The following STAT4 variants were observed in gnomAD, a reference collection of about 807,000 sequenced individuals.
The protein encoded by STAT4 is signal transducer and activator of transcription 4.
A neutral mutation model predicts 110.5 loss-of-function variants in STAT4; 42 were observed. That is an observed-to-expected ratio of 0.38 (90% CI 0.30 to 0.49). The LOEUF (loss-of-function observed/expected upper bound fraction) is 0.49. Ranked by LOEUF, STAT4 falls within the 20% of genes least tolerant of loss-of-function variation. STAT4 has a pLI of 0.95. For missense variants in STAT4, 632 were observed against 887.9 expected (o/e 0.71, Z 3.66); for synonymous variants, 284 against 302.2 (o/e 0.94, Z 0.63).
intron 14 of STAT4, among the ~76,000 whole-genome samples, chr2:191,047,866 A>AT (rs1386345514): frequency 1.3e-5 from 2 of 152,088 alleles, no homozygotes; most frequent in Non-Finnish European, 2.9e-5. Context: ...GGGTTTTATC[A>AT]TATTGGCCAG....
chr2:191,061,606 C>A lies in STAT4; in HGVS notation c.1034+123G>T. ...GTATTTCCCCAAGCTCAGAGCTGGG[C>A]ACACAGCAGATGGTTCAATAAAGAA... On this transcript the variant is annotated intron_variant, in intron 10 of 23. Transcript: ENST00000392320. This position sits in a 1 kb window ranked among gnomAD's most constrained non-coding sequence, Gnocchi z 6.2. The A allele has an allele frequency of 1.1e-6, 1 of 904,774 alleles. No homozygotes were observed. The highest frequency in any genetic ancestry group is 1.8e-6 in the Non-Finnish European group (1 of 548,622). The allele number at this position is 904,774 out of a possible 1,614,324, so 56.0% of individuals were successfully genotyped here. A position where few individuals can be genotyped will look rare whatever the true frequency, so the allele number is the denominator to read the frequency against.
At position 191,067,105 on chromosome 2, in the gene STAT4, G is replaced by A. The variant is rs529270943; in HGVS notation, c.545-590C>T. Among the ~76,000 whole-genome samples the A allele has an allele frequency of 8.0e-5, 12 of 149,182 alleles. No homozygotes were observed. The South Asian group carries it at 2.5e-3, about 31-fold the overall frequency. On this transcript the variant is annotated intron_variant, in intron 6 of 23. Coordinates refer to ENST00000392320, the MANE Select transcript of STAT4 (RefSeq NM_003151.4). ...CGCTCGCCTCATCGTAAAACTAGCA[G>A]TGGGCCAGAGTTGTAACTTAGAAAA...
Position 191,071,527 on chromosome 2 carries a change from G to A in STAT4, c.465+1571C>T, listed in dbSNP as rs191961717. On this transcript the variant is annotated intron_variant, in intron 5 of 23. Transcript: ENST00000392320. ...CTTGCAGAATCTTCTAATGAAAAGT[G>A]TATTAAACCAATGCCAGATCTCTGA... Among the ~76,000 whole-genome samples the A allele has an allele frequency of 9.8e-5, 15 of 152,292 alleles. No homozygotes were observed. In the East Asian group the frequency reaches 2.9e-3, roughly 29 times the overall value.
In STAT4 at chr2:191,112,405, T is replaced by C. The variant is rs116078427; in HGVS notation, c.273+34208A>G. 0.01 allele frequency among the ~76,000 whole-genome samples: 1,593 copies of C among 152,240 alleles called. 36 individuals carry two copies. Among genetic ancestry groups the C allele is most frequent in the African/African-American group, 0.036 (1,504 of 41,532 alleles). On this transcript the variant is annotated intron_variant, in intron 3 of 23. Coordinates refer to ENST00000392320, the MANE Select transcript of STAT4 (RefSeq NM_003151.4). The surrounding 1 kb of genome is among the most constrained non-coding windows in gnomAD (Gnocchi z 4.3). Reference sequence around the variant, plus strand: ...ACCTGCCAGGACTGTTGTGAGGATATAATGAGGTAATGAAAGTAGCACTGT... The same window carrying C: ...ACCTGCCAGGACTGTTGTGAGGATACAATGAGGTAATGAAAGTAGCACTGT...
intron 3 of STAT4, among the ~76,000 whole-genome samples, chr2:191,097,993 C>G (rs1469367089): frequency 1.3e-5 from 2 of 152,022 alleles, no homozygotes; most frequent in African/African-American, 2.4e-5. Flanking sequence ...ATTTATGCAG[C>G]CAACAGACAC....
chr2:191,131,711 C>CT, intron 3 of STAT4: 1 of 1,204,300 alleles, frequency 8.3e-7, no homozygotes, highest in Non-Finnish European at 1.1e-6. Flanking sequence ...TTGCAAAAGC[C>CT]AGAATTCTCC....
chr2:191,055,910 G>A (rs1295566960), intron 13 of STAT4, among the ~76,000 whole-genome samples: 1 of 152,064 alleles, frequency 6.6e-6, no homozygotes, highest in African/African-American at 2.4e-5. Context: ...TACTAAACAT[G>A]GCCCCTTGTT....
Position 191,059,592 on chromosome 2 carries a change from C to G in STAT4, c.1035-823G>C, listed in dbSNP as rs1696794759. ...CTTAGGTACTAGAGAACTGATGTAG[C>G]AAAGACTGCAGAAGGGAGAAACGTG... is the stretch of plus-strand genomic sequence containing the variant. On this transcript the variant is annotated intron_variant, in intron 10 of 23. Coordinates refer to ENST00000392320, the MANE Select transcript of STAT4 (RefSeq NM_003151.4). The surrounding 1 kb of genome is among the most constrained non-coding windows in gnomAD (Gnocchi z 4.7). 6.6e-6 allele frequency among the ~76,000 whole-genome samples: 1 copy of G among 152,188 alleles called. No homozygotes were observed. The highest frequency in any genetic ancestry group is 1.5e-5 in the Non-Finnish European group (1 of 68,042).
intron 14 of STAT4, among the ~76,000 whole-genome samples, chr2:191,047,524 T>C (rs1430491129): frequency 6.6e-6 from 1 of 152,210 alleles, no homozygotes; most frequent in African/African-American, 2.4e-5. Context: ...TTGTGTCTGC[T>C]GGAGAACTGG....
intron 3 of STAT4, among the ~76,000 whole-genome samples, chr2:191,123,444 C>A (rs377518626): frequency 2.6e-4 from 40 of 152,234 alleles, no homozygotes; most frequent in African/African-American, 8.7e-4. Flanking sequence ...TTTCCTCTAC[C>A]CTTCCTTCTT....
rs1175345674 is a variant in STAT4 at position 191,083,072 on chromosome 2, G to A, written c.274-6747C>T. Among the ~76,000 whole-genome samples the A allele has an allele frequency of 2.6e-5, 4 of 152,286 alleles. No individual in the cohort carries two copies. The highest frequency in any genetic ancestry group is 9.6e-5 in the African/African-American group (4 of 41,572). ...AGGGCCTGAAACAGGAGGCATTAGT[G>A]ACCAAAGGGGATATAGGATTCTGAG... On this transcript the variant is annotated intron_variant, in intron 3 of 23. Transcript: ENST00000392320. The surrounding 1 kb of genome is among the most constrained non-coding windows in gnomAD (Gnocchi z 4.6).
At position 191,066,585 on chromosome 2, in the gene STAT4, A is replaced by G; in HGVS notation, c.545-70T>C. The G allele has an allele frequency of 1.4e-6, 2 of 1,415,712 alleles. No individual in the cohort carries two copies. Among genetic ancestry groups the G allele is most frequent in the Non-Finnish European group, 2.0e-6 (2 of 1,014,280 alleles). 87.7% of individuals were successfully genotyped at this position (1,415,712 alleles called of 1,614,324 possible). On this transcript the variant is annotated intron_variant, in intron 6 of 23. Coordinates refer to ENST00000392320, the MANE Select transcript of STAT4 (RefSeq NM_003151.4). This position sits in a 1 kb window ranked among gnomAD's most constrained non-coding sequence, Gnocchi z 4.3. The stretch of plus-strand genomic sequence containing the variant: ...AAAGTCAAGTCAGCCTCAATCCACC[A>G]TCCTAAAACAGCCCTGGCCCGGAGA...
In STAT4 at chr2:191,104,357, G is replaced by T. The variant is rs1655980771; in HGVS notation, c.274-28032C>A. On this transcript the variant is annotated intron_variant, in intron 3 of 23. Coordinates refer to ENST00000392320, the MANE Select transcript of STAT4 (RefSeq NM_003151.4). This position sits in a 1 kb window ranked among gnomAD's most constrained non-coding sequence, Gnocchi z 4.3. ...AATGAATTAGTTTTTCCCACGTTTA[G>T]TTCTCACTAACATTTATTTTCTAGG... Among the ~76,000 whole-genome samples, 1 of 151,986 alleles carries T rather than the reference G, an allele frequency of 6.6e-6. No individual in the cohort carries two copies. The highest frequency in any genetic ancestry group is 2.1e-4 in the South Asian group (1 of 4,828).
chr2:191,032,400 T>C lies in STAT4; in HGVS notation c.2044+558A>G, dbSNP rs1574691116. 6.6e-6 allele frequency: 1 copy of C among 152,362 alleles called. No homozygotes were observed. Among genetic ancestry groups the C allele is most frequent in the Admixed American group, 6.5e-5 (1 of 15,290 alleles). 9.4% of individuals were successfully genotyped at this position (152,362 alleles called of 1,614,324 possible). On this transcript the variant is annotated intron_variant, in intron 21 of 23. Transcript: ENST00000392320. This position sits in a 1 kb window ranked among gnomAD's most constrained non-coding sequence, Gnocchi z 4.9. Reference sequence around the variant, plus strand: ...AATCCCTCTTTTAGCCAGACATTGCTCTAGGTCCTAGGATACAACCAGGAA... The same window carrying C: ...AATCCCTCTTTTAGCCAGACATTGCCCTAGGTCCTAGGATACAACCAGGAA...
In STAT4 at chr2:191,046,559, C is replaced by T. The variant is rs892074858; in HGVS notation, c.1252-5411G>A. On this transcript the variant is annotated intron_variant, in intron 14 of 23. Transcript: ENST00000392320. The surrounding 1 kb of genome is among the most constrained non-coding windows in gnomAD (Gnocchi z 4.6). ...TCTTCTGGGCTAAGAATTCTGGGGTCCTGGATTCTGGGTGAGCACATTGCC... is the reference window on the plus strand; with the variant it reads ...TCTTCTGGGCTAAGAATTCTGGGGTTCTGGATTCTGGGTGAGCACATTGCC... 6.6e-6 allele frequency among the ~76,000 whole-genome samples: 1 copy of T among 152,124 alleles called. No individual in the cohort carries two copies. The highest frequency in any genetic ancestry group is 1.5e-5 in the Non-Finnish European group (1 of 68,026).
intron 6 of STAT4, among the ~76,000 whole-genome samples, chr2:191,067,236 T>C (rs969300609): frequency 2.6e-5 from 4 of 152,060 alleles, no homozygotes; most frequent in Admixed American, 6.6e-5. Flanking sequence ...GACATAGTGG[T>C]GGGGCTCAGA....
In STAT4 at chr2:191,060,821, G is replaced by A. The variant is rs1696827975; in HGVS notation, c.1034+908C>T. ...AGAAACTGATTAAGAAGTTAATGGT[G>A]TCTTAAAAATGCAAACCGAAGACAA... On this transcript the variant is annotated intron_variant, in intron 10 of 23. Coordinates refer to ENST00000392320, the MANE Select transcript of STAT4 (RefSeq NM_003151.4). This position sits in a 1 kb window ranked among gnomAD's most constrained non-coding sequence, Gnocchi z 4.5. Among the ~76,000 whole-genome samples, 1 of 152,186 alleles carries A rather than the reference G, an allele frequency of 6.6e-6. No individual in the cohort carries two copies. Among genetic ancestry groups the A allele is most frequent in the Non-Finnish European group, 1.5e-5 (1 of 68,032 alleles).
At chr2:191,130,220 CTTT>C (rs34523590) in intron 3 of STAT4, among the ~76,000 whole-genome samples, 7,550 of 115,618 alleles carry the variant, frequency 0.065, 456 homozygotes, top group African/African-American at 0.19. Flanking sequence ...GTCTATCTCC[CTTT>C]TTTTTTTTTT....
rs770088534 is a variant in STAT4 at position 191,104,750 on chromosome 2, G to T, written c.274-28425C>A. On this transcript the variant is annotated intron_variant, in intron 3 of 23. Coordinates refer to ENST00000392320, the MANE Select transcript of STAT4 (RefSeq NM_003151.4). The surrounding 1 kb of genome is among the most constrained non-coding windows in gnomAD (Gnocchi z 4.3). Reference sequence around the variant, plus strand: ...TTTAAGTGAATTTTGACTTTGCAAAGATTCTCTCTATTACTCTTTTATTTT... The same window carrying T: ...TTTAAGTGAATTTTGACTTTGCAAATATTCTCTCTATTACTCTTTTATTTT... 6.6e-5 allele frequency among the ~76,000 whole-genome samples: 10 copies of T among 152,106 alleles called. No homozygotes were observed. Among genetic ancestry groups the T allele is most frequent in the Non-Finnish European group, 1.0e-4 (7 of 68,012 alleles).
Sources: gnomAD v4.1 joint callset for allele counts (sites outside exome capture counted in the v4.1 genomes callset) on GRCh38, gnomAD v4.1.1 for gene constraint, Gnocchi (gnomAD v3.1) non-coding constraint, MANE v1.5 for transcripts, NCBI Gene and HGNC (gene_info 2026-07-23, HGNC 2026-07-21) for gene names.